The following EXO5 variants were observed in gnomAD, a reference collection of about 807,000 sequenced individuals.
EXO5 encodes exonuclease V.
Under a neutral mutation model 17.8 loss-of-function variants are expected in EXO5, and 11 were observed. That is an observed-to-expected ratio of 0.62 (90% CI 0.39 to 1.02). EXO5 has a LOEUF of 1.02. Ranked by LOEUF, EXO5 falls within the 50% of genes least tolerant of loss-of-function variation. The probability of loss-of-function intolerance (pLI) is 0.00; values close to 1 mark genes in which losing one functional copy is unlikely to be tolerated. For synonymous variants in EXO5, 147 were observed against 166.5 expected, an observed-to-expected ratio of 0.88 and a Z score of 0.90; for missense variants, 364 against 434.8, an observed-to-expected ratio of 0.84 and a Z score of 1.45.
chr1:40,515,318 C>G lies in EXO5; in HGVS notation c.774C>G (p.Ala258=), dbSNP rs761672833. ...KPLGPSVLRH[A]QQGGFSVKSL... ...TGGGGCCATCAGTGCTGAGGCATGC[C>G]CAGCAGGGAGGCTTCTCTGTGAAGT... The change falls in exon 4 of 4, where the codon GCC becomes GCG. Residue 258 remains alanine, a synonymous_variant. Transcript: ENST00000415550. 6.2e-7 allele frequency: 1 copy of G among 1,613,926 alleles called. No individual in the cohort carries two copies. Among genetic ancestry groups the G allele is most frequent in the South Asian group, 1.1e-5 (1 of 91,064 alleles).
chr1:40,515,846 A>C lies in EXO5; in HGVS notation c.*180A>C. On this transcript the variant is annotated 3_prime_UTR_variant, in exon 4 of 4. Coordinates refer to ENST00000415550, the MANE Select transcript of EXO5 (RefSeq NM_001346953.2). ...CAAGGCTCAGGGATGAGTGGGAGAG[A>C]TGGGTTATACTGTCCCTGGAGCTTC... is the stretch of plus-strand genomic sequence containing the variant. 1 of 627,864 alleles carries C rather than the reference A, an allele frequency of 1.6e-6. No homozygotes were observed. The highest frequency in any genetic ancestry group is 2.1e-5 in the South Asian group (1 of 47,514). The allele number at this position is 627,864 out of a possible 1,614,324, so 38.9% of individuals were successfully genotyped here.
At chr1:40,510,645 ACT>A (rs1373669343) in intron 3 of EXO5, among the ~76,000 whole-genome samples, 2 of 152,118 alleles carry the variant, frequency 1.3e-5, no homozygotes, top group African/African-American at 2.4e-5. Context: ...AAATAGTCTA[ACT>A]CTATGCTGTT....
At chr1:40,511,246 TAAAAG>T (rs901346505) in intron 3 of EXO5, among the ~76,000 whole-genome samples, 16 of 151,792 alleles carry the variant, frequency 1.1e-4, no homozygotes, top group Admixed American at 3.3e-4. Flanking sequence ...AAAAATAAAA[TAAAAG>T]AAAAGAAAAA....
intron 3 of EXO5, among the ~76,000 whole-genome samples, chr1:40,512,793 T>C (rs1034949676): frequency 1.2e-4 from 19 of 152,108 alleles, no homozygotes; most frequent in African/African-American, 4.1e-4. Flanking sequence ...AGTTTCACCA[T>C]GAGGTGTATT....
In EXO5 at chr1:40,514,549, C is replaced by T; in HGVS notation, c.5C>T (p.Ala2Val). 6.2e-7 allele frequency: 1 copy of T among 1,612,014 alleles called. No homozygotes were observed. Among genetic ancestry groups the T allele is most frequent in the Non-Finnish European group, 8.5e-7 (1 of 1,179,232 alleles). Residue 2 changes from alanine (A) to valine (V), a missense_variant, in exon 4 of 4, where the codon GCA becomes GTA. Physicochemically the swap from Ala to Val is moderately conservative, Grantham distance 64. Transcript: ENST00000415550. ...AGCCCAATCCAGAGCTGTACCATGG[C>T]AGAGACAAGAGAAGAGGAGACAGTG... is the stretch of plus-strand genomic sequence containing the variant. M[A>V]ETREEETVSA...
chr1:40,511,979 C>T (rs1015915422), intron 3 of EXO5, among the ~76,000 whole-genome samples: 3 of 151,790 alleles, frequency 2.0e-5, no homozygotes, highest in Non-Finnish European at 4.4e-5. Flanking sequence ...CCTGGGTTCA[C>T]GCCATTCTCC....
At chr1:40,510,433 A>G (rs1645752828) in intron 3 of EXO5, among the ~76,000 whole-genome samples, 1 of 152,238 alleles carries the variant, frequency 6.6e-6, no homozygotes, top group South Asian at 2.1e-4. Flanking sequence ...ACATCTGAGC[A>G]TCAGTCATCC....
intron 3 of EXO5, among the ~76,000 whole-genome samples, chr1:40,511,974 G>C (rs770395595): frequency 1.1e-3 from 166 of 152,072 alleles, no homozygotes; most frequent in Non-Finnish European, 1.9e-3. Flanking sequence ...CGCCTCCTGG[G>C]TTCACGCCAT....
rs1645843825 is a variant in EXO5 at position 40,514,608 on chromosome 1, G to A, written c.64G>A (p.Asp22Asn). Reference sequence around the variant, plus strand: ...AGCCTCAGGGTTCTCAGACTTGAGTGACTCAGAGTTCCTGGAGTTTCTGGA... The same window carrying A: ...AGCCTCAGGGTTCTCAGACTTGAGTAACTCAGAGTTCCTGGAGTTTCTGGA... Reference protein sequence around the residue: ...AEASGFSDLSDSEFLEFLDLE... With the variant: ...AEASGFSDLSNSEFLEFLDLE... Residue 22 changes from aspartate to asparagine, a missense_variant, in exon 4 of 4, where the codon GAC (aspartate) becomes AAC (asparagine). Physicochemically the swap from Asp to Asn is conservative, Grantham distance 23 (BLOSUM62 1). Transcript: ENST00000415550. 2 of 1,614,144 alleles carry A rather than the reference G, an allele frequency of 1.2e-6. No individual in the cohort carries two copies. The highest frequency in any genetic ancestry group is 1.3e-5 in the African/African-American group (1 of 75,038).
chr1:40,514,714 C>T lies in EXO5; in HGVS notation c.170C>T (p.Pro57Leu), dbSNP rs761391346. 4 of 1,614,148 alleles carry T rather than the reference C, an allele frequency of 2.5e-6. No homozygotes were observed. Among genetic ancestry groups the T allele is most frequent in the South Asian group, 1.1e-5 (1 of 91,076 alleles). ...GAATCCCTTGGGAAGGATGACAAAC[C>T]CATAAGCTTACAAAACTGGAAAAGA... ...SSESLGKDDK[P>L]ISLQNWKRGL... Residue 57 changes from proline to leucine, a missense_variant, in exon 4 of 4, where the codon CCC becomes CTC. Coordinates refer to ENST00000415550, the MANE Select transcript of EXO5 (RefSeq NM_001346953.2).
intron 3 of EXO5, among the ~76,000 whole-genome samples, chr1:40,511,605 G>A (rs922738727): frequency 6.6e-6 from 1 of 152,076 alleles, no homozygotes; most frequent in African/African-American, 2.4e-5. Context: ...ACGTTTTCAG[G>A]GCATCACTTC....
chr1:40,512,135 C>G (rs1170195112), intron 3 of EXO5, among the ~76,000 whole-genome samples: 1 of 152,164 alleles, frequency 6.6e-6, no homozygotes, highest in African/African-American at 2.4e-5. Context: ...CCTTGGCCTC[C>G]CAAAGTGCTG....
At chr1:40,511,901 C>T (rs570720113) in intron 3 of EXO5, among the ~76,000 whole-genome samples, 49 of 149,382 alleles carry the variant, frequency 3.3e-4, no homozygotes, top group South Asian at 6.3e-4. Context: ...TTTTTTGAGA[C>T]GGAGTCTCGC....
rs1453576099 is a variant in EXO5, at chr1:40,514,821, G to A, written c.277G>A (p.Glu93Lys). 1 of 1,614,062 alleles carries A rather than the reference G, an allele frequency of 6.2e-7. No homozygotes were observed. The highest frequency in any genetic ancestry group is 8.5e-7 in the Non-Finnish European group (1 of 1,180,050). ...VTDLATQNWC[E>K]LQTAYGKELP... ...TGACCTGGCTACTCAGAACTGGTGTGAACTGCAAACAGCATATGGGAAGGA... is the reference window on the plus strand; with the variant it reads ...TGACCTGGCTACTCAGAACTGGTGTAAACTGCAAACAGCATATGGGAAGGA... The change falls in exon 4 of 4, where the codon GAA becomes AAA. Residue 93 changes from glutamate to lysine, a missense_variant. By Grantham distance (56) the Glu-to-Lys change is moderately conservative. Transcript: ENST00000415550.
intron 3 of EXO5, among the ~76,000 whole-genome samples, chr1:40,512,876 A>G (rs1645806232): frequency 6.6e-6 from 1 of 152,108 alleles, no homozygotes; most frequent in African/African-American, 2.4e-5. Context: ...TCGGCCTCCC[A>G]AAGTGCCGAG....
chr1:40,511,005 G>A (rs900439092), intron 3 of EXO5, among the ~76,000 whole-genome samples: 1 of 152,204 alleles, frequency 6.6e-6, no homozygotes, highest in African/African-American at 2.4e-5. Context: ...GGAGGCCGAG[G>A]CGGGTGCATC....
rs778048591 is a variant in EXO5 at position 40,514,600 on chromosome 1, A to C, written c.56A>C (p.Asp19Ala). ...TCAGCAGAAGCCTCAGGGTTCTCAG[A>C]CTTGAGTGACTCAGAGTTCCTGGAG... ...TVSAEASGFS[D>A]LSDSEFLEFL... The change falls in exon 4 of 4, where the codon GAC becomes GCC. Residue 19 changes from aspartate (D) to alanine (A), a missense_variant. Physicochemically the swap from Asp to Ala is moderately radical, Grantham distance 126 (BLOSUM62 -2). Coordinates refer to ENST00000415550, the MANE Select transcript of EXO5 (RefSeq NM_001346953.2). The C allele has an allele frequency of 1.2e-6, 2 of 1,614,180 alleles. No individual in the cohort carries two copies. The highest frequency in any genetic ancestry group is 3.3e-5 in the Admixed American group (2 of 60,016).
intron 3 of EXO5, among the ~76,000 whole-genome samples, chr1:40,512,753 C>T (rs1474012415): frequency 6.6e-6 from 1 of 152,144 alleles, no homozygotes; most frequent in Non-Finnish European, 1.5e-5. Context: ...AGGTGCCCGC[C>T]ACCACACCCG....
At position 40,508,865 on chromosome 1, in the gene EXO5, G is replaced by C. The variant is rs1645714853; in HGVS notation, c.-307G>C. The C allele has an allele frequency of 6.6e-6, 1 of 152,412 alleles. No individual in the cohort carries two copies. Among genetic ancestry groups the C allele is most frequent in the African/African-American group, 2.4e-5 (1 of 41,464 alleles). The allele number at this position is 152,412 out of a possible 1,614,324, so 9.4% of individuals were successfully genotyped here. ...AGCGTCCGGGAGCAGCTCCGAGGCCGCGGCGAAACCAGGTGGAGTCCGAGG... is the reference window on the plus strand; with the variant it reads ...AGCGTCCGGGAGCAGCTCCGAGGCCCCGGCGAAACCAGGTGGAGTCCGAGG... On this transcript the variant is annotated 5_prime_UTR_variant, in exon 1 of 4. Transcript: ENST00000415550. The surrounding 1 kb of genome is among the most constrained non-coding windows in gnomAD (Gnocchi z 4.2).
Sources: allele counts gnomAD v4.1 joint callset (sites outside exome capture counted in the v4.1 genomes callset), GRCh38; gene constraint gnomAD v4.1.1; non-coding constraint Gnocchi (gnomAD v3.1); transcripts MANE v1.5; gene names NCBI Gene and HGNC (gene_info 2026-07-23, HGNC 2026-07-21).